ELMO1: variants seen among roughly 807,000 people sequenced by gnomAD.
ELMO1 encodes engulfment and cell motility protein 1.
A neutral mutation model predicts 98.9 loss-of-function variants in ELMO1; 26 were observed. That is an observed-to-expected ratio of 0.26 (90% CI 0.19 to 0.36). The LOEUF (loss-of-function observed/expected upper bound fraction) is 0.36. Among genes scored for constraint, ELMO1 ranks in the 10% least tolerant of loss-of-function variants. The pLI is 1.00. For synonymous variants in ELMO1, 346 were observed against 346.0 expected, an observed-to-expected ratio of 1.00 and a Z score of 0.00; for missense variants, 627 against 935.2, an observed-to-expected ratio of 0.67 and a Z score of 4.30.
intron 16 of ELMO1, among the ~76,000 whole-genome samples, chr7:36,952,869 C>G (rs558910888): frequency 4.0e-5 from 6 of 151,632 alleles, no homozygotes; most frequent in African/African-American, 1.5e-4. Context: ...TTGTTATTCC[C>G]AAAGCATTTC....
In ELMO1 at chr7:37,132,989, ATTTTTT is replaced by A. The variant is rs5883589; in HGVS notation, c.1191+135_1191+140del. The A allele has an allele frequency of 1.1e-5, 5 of 450,426 alleles. No individual in the cohort carries two copies. The East Asian group carries it at 1.8e-4, about 17-fold the overall frequency. 27.9% of individuals were successfully genotyped at this position (450,426 alleles called of 1,614,324 possible). ...CCCTGATTGATCTCACTTAATTCTG[ATTTTTT>A]TTTTTTTTTTAGTTTACTAAGAAAG... On this transcript the variant is annotated intron_variant, in intron 14 of 21. Coordinates refer to ENST00000310758, the MANE Select transcript of ELMO1 (RefSeq NM_014800.11).
Position 37,331,333 on chromosome 7 carries a change from C to CTTTTTTTTTTTTTTTTTT in ELMO1, c.78+11262_78+11279dup, listed in dbSNP as rs776303689. ...TACAGGCGCCAGCCGCCACGCCTGG[C>CTTTTTTTTTTTTTTTTTT]TTTTTTTTTTTTTTTTTTTTTTGGA... On this transcript the variant is annotated intron_variant, in intron 2 of 21. Coordinates refer to ENST00000310758, the MANE Select transcript of ELMO1 (RefSeq NM_014800.11). Among the ~76,000 whole-genome samples, 65 of 28,730 alleles carry CTTTTTTTTTTTTTTTTTT rather than the reference C, an allele frequency of 2.3e-3. 13 individuals are homozygous for CTTTTTTTTTTTTTTTTTT. Among genetic ancestry groups the CTTTTTTTTTTTTTTTTTT allele is most frequent in the African/African-American group, 3.5e-3 (31 of 8,890 alleles). The allele number at this position is 28,730 out of a possible 152,430, so 18.8% of individuals were successfully genotyped here. A position where few individuals can be genotyped will look rare whatever the true frequency, so the allele number is the denominator to read the frequency against.
At chr7:37,155,503 A>AATAAAAAAAAT (rs1554427527) in intron 13 of ELMO1, among the ~76,000 whole-genome samples, 1 of 131,738 alleles carries the variant, frequency 7.6e-6, no homozygotes, top group Non-Finnish European at 1.6e-5. Context: ...AAAAAAAAAA[A>AATAAAAAAAAT]AAAAAGCAGG....
chr7:37,397,705 G>C (rs1420089798), intron 1 of ELMO1, among the ~76,000 whole-genome samples: 1 of 152,228 alleles, frequency 6.6e-6, no homozygotes, highest in Admixed American at 6.5e-5. Flanking sequence ...GCATGCATAT[G>C]TTCACTGCAG....
intron 16 of ELMO1, among the ~76,000 whole-genome samples, chr7:36,929,696 G>A (rs1418772253): frequency 6.6e-6 from 1 of 152,176 alleles, no homozygotes; most frequent in Non-Finnish European, 1.5e-5. Flanking sequence ...TAGACTCACT[G>A]TAACACCACA....
intron 18 of ELMO1, among the ~76,000 whole-genome samples, chr7:36,880,955 T>G (rs373564911): frequency 6.6e-6 from 1 of 152,356 alleles, no homozygotes; most frequent in East Asian, 1.9e-4. Flanking sequence ...CCTTGACTTG[T>G]ATGACACCAT....
chr7:37,196,909 A>T (rs1370811621), intron 13 of ELMO1, among the ~76,000 whole-genome samples: 2 of 152,150 alleles, frequency 1.3e-5, no homozygotes, highest in African/African-American at 4.8e-5. Context: ...AGTCCCCTAG[A>T]CACTACTGCT....
At chr7:36,944,834 C>G (rs757651464) in intron 16 of ELMO1, among the ~76,000 whole-genome samples, 24 of 152,186 alleles carry the variant, frequency 1.6e-4, no homozygotes, top group Non-Finnish European at 1.8e-4. Context: ...GCCCAAAGCT[C>G]TAAAACACTA....
chr7:37,166,774 G>A (rs1269165351), intron 13 of ELMO1, among the ~76,000 whole-genome samples: 2 of 152,052 alleles, frequency 1.3e-5, no homozygotes, highest in Non-Finnish European at 2.9e-5. Context: ...GGTCAATTTT[G>A]GAATAGGTGT....
chr7:37,162,253 G>A (rs1007605351), intron 13 of ELMO1, among the ~76,000 whole-genome samples: 1 of 151,956 alleles, frequency 6.6e-6, no homozygotes, highest in African/African-American at 2.4e-5. Flanking sequence ...CACACACATG[G>A]TTGAGAGCTT....
intron 1 of ELMO1, among the ~76,000 whole-genome samples, chr7:37,381,741 G>A (rs1185686604): frequency 1.3e-5 from 2 of 152,210 alleles, no homozygotes; most frequent in Non-Finnish European, 2.9e-5. Flanking sequence ...TAGGGATGGA[G>A]AGAGTCTTCA....
At chr7:37,170,614 G>A (rs1180951978) in intron 13 of ELMO1, among the ~76,000 whole-genome samples, 1 of 139,048 alleles carries the variant, frequency 7.2e-6, no homozygotes, top group Non-Finnish European at 1.5e-5. Context: ...TTCCTTGCTT[G>A]CTTTTTTTTT....
intron 14 of ELMO1, among the ~76,000 whole-genome samples, chr7:37,119,706 T>C (rs183442581): frequency 6.6e-6 from 1 of 152,358 alleles, no homozygotes; most frequent in Admixed American, 6.5e-5. Flanking sequence ...ATTACAAATA[T>C]TTGTCTTCTG....
At chr7:37,268,552 G>A (rs547000857) in intron 5 of ELMO1, among the ~76,000 whole-genome samples, 1 of 152,188 alleles carries the variant, frequency 6.6e-6, no homozygotes, top group Non-Finnish European at 1.5e-5. Flanking sequence ...TACCCGCCTT[G>A]GCCTCCCAAA....
chr7:37,107,574 C>T (rs1439410668), intron 14 of ELMO1, among the ~76,000 whole-genome samples: 1 of 152,192 alleles, frequency 6.6e-6, no homozygotes, highest in East Asian at 1.9e-4. Context: ...CATTACATTA[C>T]TGAATACAAA....
At chr7:37,196,183 G>A (rs1192947845) in intron 13 of ELMO1, among the ~76,000 whole-genome samples, 1 of 152,192 alleles carries the variant, frequency 6.6e-6, no homozygotes, top group East Asian at 1.9e-4. Context: ...TACCTGAATT[G>A]AATGTAAAGA....
intron 18 of ELMO1, among the ~76,000 whole-genome samples, chr7:36,882,595 T>G (rs1804566919): frequency 6.6e-6 from 1 of 152,234 alleles, no homozygotes; most frequent in African/African-American, 2.4e-5. Flanking sequence ...CAAGATGATT[T>G]GGTCTAACAG....
At chr7:37,417,810 C>A (rs559254901) in intron 1 of ELMO1, among the ~76,000 whole-genome samples, 1 of 152,242 alleles carries the variant, frequency 6.6e-6, no homozygotes, top group African/African-American at 2.4e-5. Flanking sequence ...CCATTGCACT[C>A]CAGCCTGGAT....
chr7:37,044,143 G>A (rs1014834307), intron 15 of ELMO1, among the ~76,000 whole-genome samples: 2 of 152,154 alleles, frequency 1.3e-5, no homozygotes, highest in African/African-American at 4.8e-5. Flanking sequence ...AAAAGGCTAT[G>A]CTCCGGCTAG....
Sources: gnomAD v4.1 joint callset for allele counts (sites outside exome capture counted in the v4.1 genomes callset) on GRCh38, gnomAD v4.1.1 for gene constraint, MANE v1.5 for transcripts, NCBI Gene and HGNC (gene_info 2026-07-23, HGNC 2026-07-21) for gene names.